Variants in SAXO4 observed in about 807,000 individuals in gnomAD.
SAXO4 encodes stabilizer of axonemal microtubules 4.
At chr11:61,489,665 A>G in the SAXO4 span, 1 of 1,069,528 alleles carries the variant, frequency 9.3e-7, no homozygotes, top group African/African-American at 1.5e-5. Flanking sequence ...CTAGACGAGG[A>G]CAGCATGAGC....
At chr11:61,482,386 C>T in the SAXO4 span, 3 of 1,614,188 alleles carry the variant, frequency 1.9e-6, no homozygotes, top group Non-Finnish European at 2.5e-6. Context: ...CCCGTGGTCT[C>T]ATGCCAAGCC....
At chr11:61,489,679 G>C in the SAXO4 span, 1 of 1,216,664 alleles carries the variant, frequency 8.2e-7, no homozygotes, top group South Asian at 1.2e-5. Flanking sequence ...CATGAGCAAA[G>C]GTGGGGAGGC....
the SAXO4 span, among the ~76,000 whole-genome samples, chr11:61,481,596 G>A: frequency 3.3e-5 from 5 of 152,208 alleles, no homozygotes; most frequent in Admixed American, 2.6e-4. Flanking sequence ...GAGACATGAG[G>A]ACTCTTGGGA....
At chr11:61,489,427 T>A in the SAXO4 span, 2 of 543,882 alleles carry the variant, frequency 3.7e-6, no homozygotes, top group Non-Finnish European at 6.5e-6. Flanking sequence ...CCTCTGGACC[T>A]GGCTGTGCTC....
At chr11:61,482,061 C>A in the SAXO4 span, 1 of 692,838 alleles carries the variant, frequency 1.4e-6, no homozygotes, top group Non-Finnish European at 2.5e-6. Flanking sequence ...TGCCCGGCTG[C>A]TCCCTTCTCT....
the SAXO4 span, chr11:61,486,027 A>G: frequency 1.3e-6 from 1 of 752,318 alleles, no homozygotes; most frequent in Non-Finnish European, 2.2e-6. Flanking sequence ...ACACAAGACG[A>G]AAGAGCTTAG....
the SAXO4 span, chr11:61,489,995 C>A: frequency 3.9e-6 from 6 of 1,542,140 alleles, no homozygotes; most frequent in Non-Finnish European, 5.3e-6. Flanking sequence ...TCATCCAGGC[C>A]GTGTGCCAGG....
the SAXO4 span, chr11:61,485,311 C>G: frequency 6.2e-7 from 1 of 1,610,496 alleles, no homozygotes. Flanking sequence ...GGTCAGTGCC[C>G]CCACTCCTCC....
chr11:61,482,649 C>A, the SAXO4 span: 6 of 1,613,852 alleles, frequency 3.7e-6, no homozygotes, highest in Non-Finnish European at 5.1e-6. Context: ...TCCTCCTCAC[C>A]CTCAGGGAAC....
the SAXO4 span, chr11:61,485,933 T>A: frequency 2.6e-6 from 4 of 1,551,378 alleles, no homozygotes; most frequent in Admixed American, 3.4e-5. Context: ...GGGCTCCTGC[T>A]AGAACTTTAG....
At chr11:61,485,670 C>T in the SAXO4 span, 13 of 741,938 alleles carry the variant, frequency 1.8e-5, no homozygotes, top group African/African-American at 1.6e-4. Context: ...CTGCCACCCA[C>T]GATCCTCATG....
At chr11:61,483,158 C>A in the SAXO4 span, among the ~76,000 whole-genome samples, 2 of 145,912 alleles carry the variant, frequency 1.4e-5, no homozygotes, top group Admixed American at 7.0e-5. Flanking sequence ...TTTTTCATTT[C>A]TTTTTCTTTT....
the SAXO4 span, chr11:61,481,820 A>G: frequency 6.6e-7 from 1 of 1,523,124 alleles, no homozygotes; most frequent in Middle Eastern, 1.7e-4. Flanking sequence ...ATGATGGGGA[A>G]ACTCCCCCTG....
At chr11:61,489,778 C>T in the SAXO4 span, 1 of 1,613,926 alleles carries the variant, frequency 6.2e-7, no homozygotes, top group Non-Finnish European at 8.5e-7. Context: ...CTCCTCTCCT[C>T]CAGGTACTTT....
chr11:61,482,702 G>GC, the SAXO4 span: 2 of 1,614,046 alleles, frequency 1.2e-6, no homozygotes, highest in Admixed American at 1.7e-5. Flanking sequence ...CAGAGCTACC[G>GC]CCCCCTGGAG....
chr11:61,486,835 C>A, the SAXO4 span: 1 of 971,718 alleles, frequency 1.0e-6, no homozygotes, highest in Non-Finnish European at 1.6e-6. Flanking sequence ...GGGAGGGTCG[C>A]TGGGGCTGTG....
chr11:61,488,405 C>T, the SAXO4 span, among the ~76,000 whole-genome samples: 1 of 150,580 alleles, frequency 6.6e-6, no homozygotes, highest in African/African-American at 2.4e-5. Context: ...CCCGGGTTCA[C>T]GCCATTCTCC....
At chr11:61,485,059 G>A in the SAXO4 span, among the ~76,000 whole-genome samples, 1 of 152,132 alleles carries the variant, frequency 6.6e-6, no homozygotes, top group East Asian at 1.9e-4. Context: ...TCCTGCTCAC[G>A]GCCCCTCCTG....
the SAXO4 span, chr11:61,486,324 C>G: frequency 2.5e-6 from 4 of 1,612,794 alleles, no homozygotes; most frequent in East Asian, 6.7e-5. Flanking sequence ...GGCTGACATC[C>G]TCTGTGGGCC....
Sources: gnomAD v4.1 joint callset for allele counts (sites outside exome capture counted in the v4.1 genomes callset) on GRCh38, gnomAD v4.1.1 for gene constraint, MANE v1.5 for transcripts, NCBI Gene and HGNC (gene_info 2026-07-23, HGNC 2026-07-21) for gene names.